Variants in NDUFS8 observed in about 807,000 individuals in gnomAD.
The protein encoded by NDUFS8 is NADH dehydrogenase [ubiquinone] iron-sulfur protein 8, mitochondrial.
Under a neutral mutation model 25.6 loss-of-function variants are expected in NDUFS8, and 13 were observed. That is an observed-to-expected ratio of 0.51 (90% CI 0.33 to 0.81). NDUFS8 has a LOEUF of 0.81. NDUFS8 is among the 30% of genes least tolerant of loss of function. NDUFS8 has a pLI of 0.02. For missense variants in NDUFS8, 257 were observed against 300.9 expected (o/e 0.85, Z 1.08); for synonymous variants, 119 against 119.4 (o/e 1.00, Z 0.02).
intron 3 of NDUFS8, 154 bp from the exon 4 acceptor site, chr11:68,032,769 C>T: frequency 1.1e-6 from 1 of 881,358 alleles, no homozygotes; most frequent in Non-Finnish European, 1.8e-6. Context: ...CTCCAGGGTC[C>T]TTGCTGAGGC....
chr11:68,033,165 C>G lies in NDUFS8; in HGVS notation c.254C>G (p.Pro85Arg). The change falls in exon 5 of 7, where the codon CCG (proline) becomes CGG (arginine). Residue 85 changes from proline to arginine, a missense_variant. Coordinates refer to ENST00000313468, the MANE Select transcript of NDUFS8 (RefSeq NM_002496.4). Reference sequence around the variant, plus strand: ...CGGGAACCGGCCACCATCAACTACCCGTTCGAGAAGGGCCCGCTGAGCCCT... The same window carrying G: ...CGGGAACCGGCCACCATCAACTACCGGTTCGAGAAGGGCCCGCTGAGCCCT... ...LFREPATINYPFEKGPLSPRF... is the reference protein window; with the variant it reads ...LFREPATINYRFEKGPLSPRF... The G allele has an allele frequency of 6.2e-7, 1 of 1,612,626 alleles. No individual in the cohort carries two copies. Among genetic ancestry groups the G allele is most frequent in the Non-Finnish European group, 8.5e-7 (1 of 1,179,700 alleles).
chr11:68,032,866 C>G, intron 3 of NDUFS8, 57 bp from the exon 4 acceptor site: 3 of 1,530,262 alleles, frequency 2.0e-6, no homozygotes, highest in Non-Finnish European at 2.7e-6. Flanking sequence ...CCCTGAGGCT[C>G]CAGGGAGACA....
chr11:68,033,148 G>A lies in NDUFS8; in HGVS notation c.237G>A (p.Pro79=), dbSNP rs139408619. The change falls in exon 5 of 7, where the codon CCG becomes CCA. Residue 79 remains proline (P), a synonymous_variant. Coordinates refer to ENST00000313468, the MANE Select transcript of NDUFS8 (RefSeq NM_002496.4). ...CCCTGAGCTACCTGTTCCGGGAACC[G>A]GCCACCATCAACTACCCGTTCGAGA... The part of the protein sequence containing the change: ...GMTLSYLFRE[P]ATINYPFEKG... 6.2e-6 allele frequency: 10 copies of A among 1,612,690 alleles called. No individual in the cohort carries two copies. The highest frequency in any genetic ancestry group is 4.0e-5 in the African/African-American group (3 of 74,892).
intron 5 of NDUFS8, chr11:68,034,504 T>C (rs1328586184): frequency 6.6e-6 from 1 of 152,214 alleles, no homozygotes; most frequent in Non-Finnish European, 1.5e-5. Flanking sequence ...TGTTTTGGTT[T>C]TCCAGTGCAT....
chr11:68,032,533 T>A, intron 3 of NDUFS8, 197 bp downstream of exon 3: 1 of 1,489,128 alleles, frequency 6.7e-7, no homozygotes, highest in Non-Finnish European at 8.9e-7. Context: ...GGTTAGCATG[T>A]GTGATCTCAG....
In NDUFS8 at chr11:68,032,372, C is replaced by T; in HGVS notation, c.109+36C>T. The T allele has an allele frequency of 1.9e-6, 3 of 1,612,670 alleles. No homozygotes were observed. In the South Asian group the frequency reaches 3.3e-5, roughly 18 times the overall value. Reference sequence around the variant, plus strand: ...GGGTGGCCTCTAGCCTCAGGTGTTCCTGACTGGTCCTGCTGGAGTAGGGGA... The same window carrying T: ...GGGTGGCCTCTAGCCTCAGGTGTTCTTGACTGGTCCTGCTGGAGTAGGGGA... On this transcript the variant is annotated intron_variant, in intron 3 of 6. Coordinates refer to ENST00000313468, the MANE Select transcript of NDUFS8 (RefSeq NM_002496.4).
At chr11:68,033,418 T>G in intron 5 of NDUFS8, 135 bp downstream of exon 5, 1 of 1,037,308 alleles carries the variant, frequency 9.6e-7, no homozygotes, top group South Asian at 1.4e-5. Flanking sequence ...CTGAGCCACT[T>G]CCCTCGTGAA....
chr11:68,030,815 G>T (rs1258756476), intron 1 of NDUFS8, 82 bp downstream of exon 1: 3 of 389,754 alleles, frequency 7.7e-6, no homozygotes, highest in African/African-American at 4.4e-5. Context: ...CGTTGGCGCC[G>T]CCAGCTCTGC....
rs1565145707 is a variant in NDUFS8 at position 68,032,308 on chromosome 11, C to A, written c.81C>A (p.Leu27=). 1.2e-6 allele frequency: 2 copies of A among 1,613,726 alleles called. No individual in the cohort carries two copies. Among genetic ancestry groups the A allele is most frequent in the Non-Finnish European group, 1.7e-6 (2 of 1,180,012 alleles). Reference sequence around the variant, plus strand: ...CAGGACCTCCTGGTGGCCGGAGCCTCCACAGCAGTGCAGTGGCAGCCACCT... The same window carrying A: ...CAGGACCTCCTGGTGGCCGGAGCCTACACAGCAGTGCAGTGGCAGCCACCT... ...ARAGPPGGRS[L]HSSAVAATYK... The change falls in exon 3 of 7, where the codon CTC becomes CTA. Residue 27 remains leucine (L), a synonymous_variant. Transcript: ENST00000313468.
At chr11:68,031,945 T>G (rs1370622348) in intron 1 of NDUFS8, among the ~76,000 whole-genome samples, 1 of 152,132 alleles carries the variant, frequency 6.6e-6, no homozygotes, top group Non-Finnish European at 1.5e-5. Flanking sequence ...CCACAGAAAC[T>G]GAATTGTAGC....
In NDUFS8 at chr11:68,035,863, A is replaced by G. The variant is rs931119202; in HGVS notation, c.373-390A>G. Reference sequence around the variant, plus strand: ...TGAAACCCCATCTCTACTAAAAAATACAAAAATTAGCTGGGCGTGGTGATG... The same window carrying G: ...TGAAACCCCATCTCTACTAAAAAATGCAAAAATTAGCTGGGCGTGGTGATG... On this transcript the variant is annotated intron_variant, in intron 5 of 6. Coordinates refer to ENST00000313468, the MANE Select transcript of NDUFS8 (RefSeq NM_002496.4). 5 of 368,790 alleles carry G rather than the reference A, an allele frequency of 1.4e-5. No homozygotes were observed. In the Admixed American group the frequency reaches 1.7e-4, roughly 13 times the overall value. 22.8% of individuals were successfully genotyped at this position (368,790 alleles called of 1,614,324 possible).
rs772472011 is a variant in NDUFS8, at chr11:68,032,914, T to A, written c.110-9T>A. 29 of 1,613,518 alleles carry A rather than the reference T, an allele frequency of 1.8e-5. No individual in the cohort carries two copies. In the South Asian group the frequency reaches 2.2e-4, roughly 12 times the overall value. The stretch of plus-strand genomic sequence containing the variant: ...TCTTGCCATGGCCTCCCTGCCCGCC[T>A]CTCTGCAGAGTATGTGAACATGCAG... On this transcript the variant is annotated splice_polypyrimidine_tract_variant and intron_variant, in intron 3 of 6. Transcript: ENST00000313468.
chr11:68,035,800 A>G (rs924818061), intron 5 of NDUFS8: 2 of 442,318 alleles, frequency 4.5e-6, no homozygotes, highest in South Asian at 3.2e-5. Flanking sequence ...TAAGCGGATC[A>G]CAAGGTCAAG....
intron 5 of NDUFS8, 109 bp from the exon 6 acceptor site, chr11:68,036,144 G>T (rs1590791764): frequency 1.5e-5 from 24 of 1,573,334 alleles, no homozygotes; most frequent in Non-Finnish European, 2.0e-5. Context: ...GGCCTTTGAG[G>T]GGAGAGGGCT....
At chr11:68,033,047 C>T (rs544974639) in intron 4 of NDUFS8, 35 bp downstream of exon 4, 17 of 1,613,304 alleles carry the variant, frequency 1.1e-5, no homozygotes, top group African/African-American at 5.3e-5. Context: ...GGGAAGGTGC[C>T]GGGTGGGCAC....
At chr11:68,033,423 C>T (rs770711282) in intron 5 of NDUFS8, 140 bp downstream of exon 5, 24 of 987,402 alleles carry the variant, frequency 2.4e-5, no homozygotes, top group South Asian at 4.2e-5. Flanking sequence ...CCACTTCCCT[C>T]GTGAATGGGA....
At position 68,036,509 on chromosome 11, in the gene NDUFS8, C is replaced by T. The variant is rs1270839440; in HGVS notation, c.549C>T (p.Tyr183=). The T allele has an allele frequency of 6.2e-7, 1 of 1,614,106 alleles. No individual in the cohort carries two copies. Among genetic ancestry groups the T allele is most frequent in the Non-Finnish European group, 8.5e-7 (1 of 1,180,008 alleles). ...CGGAGACCCATGAGGAGCTGCTGTA[C>T]AACAAGGAGAAGTTGCTCAACAACG... ...FSTETHEELL[Y]NKEKLLNNGD... The change falls in exon 7 of 7, where the codon TAC becomes TAT. Residue 183 remains tyrosine, a synonymous_variant. Transcript: ENST00000313468.
intron 1 of NDUFS8, 163 bp downstream of exon 1, chr11:68,030,896 T>TCAGGGCGCCGGAC (rs58491259): frequency 2.3e-6 from 1 of 442,584 alleles, no homozygotes; most frequent in Non-Finnish European, 4.5e-6. Context: ...GGGAGCCGGC[T>TCAGGGCGCCGGAC]CTCAGGGCGC....
rs1342031124 is a variant in NDUFS8, at chr11:68,032,257, G to T, written c.59-29G>T. 9 of 1,613,810 alleles carry T rather than the reference G, an allele frequency of 5.6e-6. No homozygotes were observed. The Admixed American group carries it at 1.2e-4, about 21-fold the overall frequency. ...TGGGGGTAGGGGAGTCCAGTCTCCTGGTATGACGTCACGCCCTTCTTTTTG... is the reference window on the plus strand; with the variant it reads ...TGGGGGTAGGGGAGTCCAGTCTCCTTGTATGACGTCACGCCCTTCTTTTTG... On this transcript the variant is annotated intron_variant, in intron 2 of 6. Coordinates refer to ENST00000313468, the MANE Select transcript of NDUFS8 (RefSeq NM_002496.4).
Sources: allele counts gnomAD v4.1 joint callset (sites outside exome capture counted in the v4.1 genomes callset), GRCh38; gene constraint gnomAD v4.1.1; transcripts MANE v1.5; gene names NCBI Gene and HGNC (gene_info 2026-07-23, HGNC 2026-07-21).